The following TMEM178B variants were observed in gnomAD, a reference collection of about 807,000 sequenced individuals.
TMEM178B encodes the protein transmembrane protein 178B.
In TMEM178B, 5 loss-of-function variants were observed where a neutral mutation model predicts 31.0. That is an observed-to-expected ratio of 0.16 (90% confidence interval 0.08 to 0.34). The LOEUF is 0.34. Ranked by LOEUF, TMEM178B falls within the 10% of genes least tolerant of loss-of-function variation. TMEM178B has a pLI of 1.00. For missense variants in TMEM178B, 275 were observed against 400.3 expected (o/e 0.69, Z 2.67); for synonymous variants, 164 against 164.0 (o/e 1.00, Z 0.00).
rs1255755854 is a variant in TMEM178B, at chr7:141,471,498, C to T, written c.*712C>T. The T allele has an allele frequency of 6.6e-6, 1 of 152,434 alleles. No individual in the cohort carries two copies. Among genetic ancestry groups the T allele is most frequent in the Non-Finnish European group, 1.5e-5 (1 of 68,194 alleles). The allele number at this position is 152,434 out of a possible 1,614,324, so 9.4% of individuals were successfully genotyped here. A position where few individuals can be genotyped will look rare whatever the true frequency, so the allele number is the denominator to read the frequency against. On this transcript the variant is annotated 3_prime_UTR_variant, in exon 4 of 4. Transcript: ENST00000565468. This position sits in a 1 kb window ranked among gnomAD's most constrained non-coding sequence, Gnocchi z 4.1. ...TTACACCCAGTGAAACAAGAGGCCA[C>T]CCTGTCCCCAGCCGCACCTGCACTC...
chr7:141,224,587 T>C (rs778523637), intron 2 of TMEM178B, among the ~76,000 whole-genome samples: 48 of 152,284 alleles, frequency 3.2e-4, no homozygotes, highest in Admixed American at 1.6e-3. Context: ...TCTGTCAATC[T>C]GTGTCCTCTG....
chr7:141,314,913 G>T (rs750661915), intron 2 of TMEM178B, among the ~76,000 whole-genome samples: 22 of 152,138 alleles, frequency 1.4e-4, no homozygotes, highest in Admixed American at 1.3e-4. Flanking sequence ...ATGCTTAGTG[G>T]CCATTTCTAC....
intron 2 of TMEM178B, among the ~76,000 whole-genome samples, chr7:141,336,936 CCACCACCA>C (rs1799409294): frequency 7.7e-6 from 1 of 129,056 alleles, no homozygotes; most frequent in Non-Finnish European, 1.7e-5. Context: ...ACCACCATCA[CCACCACCA>C]TCACCACCAC....
intron 2 of TMEM178B, among the ~76,000 whole-genome samples, chr7:141,301,734 TG>T (rs1798730183): frequency 1.3e-5 from 2 of 152,184 alleles, no homozygotes; most frequent in African/African-American, 4.8e-5. Flanking sequence ...GTGGGACCTG[TG>T]CGTGTTCCCA....
At chr7:141,178,115 G>A (rs1252616431) in intron 1 of TMEM178B, among the ~76,000 whole-genome samples, 1 of 152,120 alleles carries the variant, frequency 6.6e-6, no homozygotes, top group Non-Finnish European at 1.5e-5. Flanking sequence ...CTTCCTTTAG[G>A]AGCTCTTGTA....
At chr7:141,275,439 C>G (rs1798250433) in intron 2 of TMEM178B, among the ~76,000 whole-genome samples, 1 of 152,110 alleles carries the variant, frequency 6.6e-6, no homozygotes, top group South Asian at 2.1e-4. Context: ...CTTGTAACAC[C>G]CCACTCGTCT....
intron 2 of TMEM178B, among the ~76,000 whole-genome samples, chr7:141,417,538 C>G (rs1801120898): frequency 6.6e-6 from 1 of 152,178 alleles, no homozygotes; most frequent in Non-Finnish European, 1.5e-5. Flanking sequence ...GGGTCCCACC[C>G]ACGGTGATGC....
chr7:141,370,031 G>T (rs534433648), intron 2 of TMEM178B, among the ~76,000 whole-genome samples: 30 of 152,266 alleles, frequency 2.0e-4, no homozygotes, highest in South Asian at 6.2e-4. Context: ...TTCCATGTAG[G>T]TTTTGAACTC....
chr7:141,374,852 G>A (rs4725556), intron 2 of TMEM178B, among the ~76,000 whole-genome samples: 150,358 of 152,344 alleles, frequency 0.99, 74,204 homozygotes, highest in East Asian at 1. Context: ...CCTTCCTAAG[G>A]CTCCATGTGT....
chr7:141,141,700 A>G (rs1203340779), intron 1 of TMEM178B, among the ~76,000 whole-genome samples: 1 of 152,208 alleles, frequency 6.6e-6, no homozygotes, highest in Non-Finnish European at 1.5e-5. Flanking sequence ...CTTTCATGAC[A>G]GAGCTTGCAA....
chr7:141,212,842 C>A, intron 2 of TMEM178B, 138 bp downstream of exon 2: 1 of 664,234 alleles, frequency 1.5e-6, no homozygotes, highest in Non-Finnish European at 2.5e-6. Flanking sequence ...GTGCCAATAT[C>A]TTTGGGTTAG....
intron 1 of TMEM178B, among the ~76,000 whole-genome samples, chr7:141,096,770 T>A (rs1794966740): frequency 6.6e-6 from 1 of 152,198 alleles, no homozygotes. Flanking sequence ...AAGGGGATCA[T>A]GGGAACCTTA....
chr7:141,289,888 G>A (rs2116418980), intron 2 of TMEM178B, among the ~76,000 whole-genome samples: 1 of 152,078 alleles, frequency 6.6e-6, no homozygotes, highest in African/African-American at 2.4e-5. Flanking sequence ...TAATCCCAGT[G>A]CTTTGGGAGG....
intron 2 of TMEM178B, among the ~76,000 whole-genome samples, chr7:141,299,717 C>T (rs1798692441): frequency 6.6e-6 from 1 of 152,188 alleles, no homozygotes; most frequent in Admixed American, 6.5e-5. Flanking sequence ...TCTTCCTAGC[C>T]ACATACTTAT....
intron 2 of TMEM178B, among the ~76,000 whole-genome samples, chr7:141,327,518 C>G (rs1799214327): frequency 1.3e-5 from 2 of 152,096 alleles, no homozygotes; most frequent in Non-Finnish European, 2.9e-5. Context: ...TTTGGGTTCA[C>G]TTTTGATGTT....
intron 2 of TMEM178B, among the ~76,000 whole-genome samples, chr7:141,280,171 C>G (rs10276017): frequency 2.0e-5 from 3 of 152,254 alleles, no homozygotes; most frequent in African/African-American, 7.2e-5. Flanking sequence ...TGGTGGACTC[C>G]CTGCTGGCTT....
At chr7:141,456,183 G>A (rs1801959035) in intron 3 of TMEM178B, among the ~76,000 whole-genome samples, 1 of 152,242 alleles carries the variant, frequency 6.6e-6, no homozygotes, top group South Asian at 2.1e-4. Context: ...AAAATAAGTG[G>A]CAGCTAGTCC....
At chr7:141,271,298 ACT>A (rs1798176761) in intron 2 of TMEM178B, among the ~76,000 whole-genome samples, 1 of 151,920 alleles carries the variant, frequency 6.6e-6, no homozygotes, top group Non-Finnish European at 1.5e-5. Flanking sequence ...CCTTCAGTAA[ACT>A]CTCATTTCCT....
chr7:141,097,110 A>G (rs1398682767), intron 1 of TMEM178B, among the ~76,000 whole-genome samples: 1 of 151,844 alleles, frequency 6.6e-6, no homozygotes, highest in Non-Finnish European at 1.5e-5. Context: ...AAAAATTCTT[A>G]GCGAAGTTAC....
Sources: allele counts gnomAD v4.1 joint callset (sites outside exome capture counted in the v4.1 genomes callset), GRCh38; gene constraint gnomAD v4.1.1; non-coding constraint Gnocchi (gnomAD v3.1); transcripts MANE v1.5; gene names NCBI Gene and HGNC (gene_info 2026-07-23, HGNC 2026-07-21).